Variants in GAL3ST3 observed in about 807,000 individuals in gnomAD.
GAL3ST3 encodes beta-galactose-3-O-sulfotransferase 3.
GAL3ST3 carries 21 observed loss-of-function variants against 20.8 expected under a neutral mutation model. That is an observed-to-expected ratio of 1.01 (90% CI 0.72 to 1.45). The LOEUF (loss-of-function observed/expected upper bound fraction) is 1.45. GAL3ST3 is among the 40% of genes most tolerant of loss of function. The pLI is 0.00. For missense variants in GAL3ST3, 739 were observed against 662.7 expected, an observed-to-expected ratio of 1.12 and a Z score of -1.26; for synonymous variants, 355 against 307.2, an observed-to-expected ratio of 1.16 and a Z score of -1.63.
Position 66,043,482 on chromosome 11 carries a change from G to C in GAL3ST3, c.321C>G (p.Tyr107Ter). 6.2e-7 allele frequency: 1 copy of C among 1,610,390 alleles called. No homozygotes were observed. Among genetic ancestry groups the C allele is most frequent in the Non-Finnish European group, 8.5e-7 (1 of 1,179,142 alleles). ...CGAAGTGCGCCGAGAAGTTGCGGGG[G>C]TAGCAGAACTGGTGCTCGCAGCTCG... ...PHPSCEHQFCYPRNFSAHFVH... is the reference protein window; with the variant it reads ...PHPSCEHQFC Residue 107 changes from tyrosine to a stop codon, truncating the protein, a stop_gained, in exon 3 of 3, where the codon TAC becomes TAG. Coordinates refer to ENST00000312006, the MANE Select transcript of GAL3ST3 (RefSeq NM_033036.3). LOFTEE classifies it high-confidence loss of function.
rs763577280 is a variant in GAL3ST3, at chr11:66,043,298, A to T, written c.505T>A (p.Cys169Ser). The T allele has an allele frequency of 4.3e-6, 7 of 1,612,302 alleles. No individual in the cohort carries two copies. Among genetic ancestry groups the T allele is most frequent in the African/African-American group, 1.3e-5 (1 of 75,020 alleles). Residue 169 changes from cysteine (C) to serine (S), a missense_variant, in exon 3 of 3, where the codon TGC (cysteine) becomes AGC (serine). Coordinates refer to ENST00000312006, the MANE Select transcript of GAL3ST3 (RefSeq NM_033036.3). ...TTGGGTACGCGCCGGAAGGCCGGGC[A>T]GTACTGGTTGTAGTAGCTGAAGAGC... ...ESLFSYYNQY[C>S]PAFRRVPNAS... is the part of the protein sequence containing the mutation.
chr11:66,042,909 G>T lies in GAL3ST3; in HGVS notation c.894C>A (p.Tyr298Ter). 1 of 1,219,696 alleles carries T rather than the reference G, an allele frequency of 8.2e-7. No homozygotes were observed. Among genetic ancestry groups the T allele is most frequent in the Non-Finnish European group, 1.0e-6 (1 of 969,508 alleles). The allele number at this position is 1,219,696 out of a possible 1,614,324, so 75.6% of individuals were successfully genotyped here. A position where few individuals can be genotyped will look rare whatever the true frequency, so the allele number is the denominator to read the frequency against. ...RTWNALDAGL[Y>*]DHFNATFWRH... ...GCCAGAAGGTGGCGTTGAAGTGGTC[G>T]TAGAGGCCGGCGTCCAGGGCGTTCC... is the stretch of plus-strand genomic sequence containing the variant. The change falls in exon 3 of 3, where the codon TAC (tyrosine) becomes TAA (stop). Residue 298 changes from tyrosine to a stop codon, truncating the protein, a stop_gained. Transcript: ENST00000312006. LOFTEE classifies it low-confidence loss of function (END_TRUNC).
At chr11:66,044,259 C>G (rs1158611112) in intron 2 of GAL3ST3, among the ~76,000 whole-genome samples, 1 of 152,164 alleles carries the variant, frequency 6.6e-6, no homozygotes, top group African/African-American at 2.4e-5. Context: ...AGACCTTGGT[C>G]CAGAAGTTCC....
At chr11:66,045,853 G>A (rs1157209091) in intron 1 of GAL3ST3, among the ~76,000 whole-genome samples, 2 of 152,118 alleles carry the variant, frequency 1.3e-5, no homozygotes, top group East Asian at 1.9e-4. Flanking sequence ...TGGCTTTAGC[G>A]CCAGGGCTTG....
rs777654473 is a variant in GAL3ST3 at position 66,043,446 on chromosome 11, G to C, written c.357C>G (p.Ala119=). ...TGGCCAGCACGTGCGGCGGCCGCGT[G>C]GCCGGGTGCACGAAGTGCGCCGAGA... ...RNFSAHFVHP[A]TRPPHVLASH... is the part of the protein sequence containing the mutation. Residue 119 remains alanine, a synonymous_variant, in exon 3 of 3, where the codon GCC becomes GCG. Transcript: ENST00000312006. 5 of 1,609,492 alleles carry C rather than the reference G, an allele frequency of 3.1e-6. No individual in the cohort carries two copies. In the South Asian group the frequency reaches 5.5e-5, roughly 18 times the overall value.
chr11:66,047,933 G>A (rs570510097), intron 1 of GAL3ST3, among the ~76,000 whole-genome samples: 54 of 152,292 alleles, frequency 3.5e-4, no homozygotes, highest in African/African-American at 1.2e-3. Flanking sequence ...GGTGCTGCTC[G>A]GACACTGTGG....
Position 66,043,479 on chromosome 11 carries a change from G to C in GAL3ST3, c.324C>G (p.Pro108=). The change falls in exon 3 of 3, where the codon CCC becomes CCG. Residue 108 remains proline, a synonymous_variant. Transcript: ENST00000312006. ...GCACGAAGTGCGCCGAGAAGTTGCG[G>C]GGGTAGCAGAACTGGTGCTCGCAGC... is the stretch of plus-strand genomic sequence containing the variant. ...HPSCEHQFCY[P]RNFSAHFVHP... is the part of the protein sequence containing the mutation. 1.2e-6 allele frequency: 2 copies of C among 1,610,410 alleles called. No homozygotes were observed. The highest frequency in any genetic ancestry group is 1.7e-6 in the Non-Finnish European group (2 of 1,179,118).
At chr11:66,048,308 A>G in intron 1 of GAL3ST3, among the ~76,000 whole-genome samples, 1 of 152,176 alleles carries the variant, frequency 6.6e-6, no homozygotes, top group East Asian at 1.9e-4. Context: ...CAGGGAACCA[A>G]AGAAATAGTA....
chr11:66,043,033 C>T lies in GAL3ST3; in HGVS notation c.770G>A (p.Trp257Ter), dbSNP rs866378017. Residue 257 changes from tryptophan (W) to a stop codon, truncating the protein, a stop_gained, in exon 3 of 3, where the codon TGG becomes TAG. Transcript: ENST00000312006. LOFTEE classifies it low-confidence loss of function (END_TRUNC). ...GGCGTAGAGCACGTCGTCCAGGTCC[C>T]AGGCCAGTAGGCGCCGCAGCAGCAC... Reference protein sequence around the residue: ...SLVLLRRLLAWDLDDVLYAKL... With the variant: ...SLVLLRRLLA 1 of 1,610,430 alleles carries T rather than the reference C, an allele frequency of 6.2e-7. No individual in the cohort carries two copies.
Position 66,043,569 on chromosome 11 carries a change from C to G in GAL3ST3, c.234G>C (p.Thr78=), listed in dbSNP as rs139401108. 6.0e-4 allele frequency: 964 copies of G among 1,612,330 alleles called. 5 individuals carry two copies. In the African/African-American group the frequency reaches 0.012, roughly 20 times the overall value. Residue 78 remains threonine (T), a synonymous_variant, in exon 3 of 3, where the codon ACG becomes ACC. Transcript: ENST00000312006. ...CAAAGCGAAACAGGATGTTCTGCACCGTCGTGCCTGCCGTCTTGTGAGTCT... is the reference window on the plus strand; with the variant it reads ...CAAAGCGAAACAGGATGTTCTGCACGGTCGTGCCTGCCGTCTTGTGAGTCT... ...FLKTHKTAGT[T]VQNILFRFAE... is the part of the protein sequence containing the mutation.
rs769401883 is a variant in GAL3ST3, at chr11:66,042,965, G to T, written c.838C>A (p.Pro280Thr). ...RAASSRLAAIPAALARAARTW... is the reference protein window; with the variant it reads ...RAASSRLAAITAALARAARTW... ...CGCGCCGCCCGCGCCAGCGCCGCGG[G>T]GATGGCGGCCAGGCGCGAGCTGGCG... The change falls in exon 3 of 3, where the codon CCC becomes ACC. Residue 280 changes from proline (P) to threonine (T), a missense_variant. Coordinates refer to ENST00000312006, the MANE Select transcript of GAL3ST3 (RefSeq NM_033036.3). The T allele has an allele frequency of 3.3e-6, 5 of 1,501,432 alleles. No individual in the cohort carries two copies. The East Asian group carries it at 1.3e-4, about 39-fold the overall frequency. The allele number at this position is 1,501,432 out of a possible 1,614,324, so 93.0% of individuals were successfully genotyped here. A position where few individuals can be genotyped will look rare whatever the true frequency, so the allele number is the denominator to read the frequency against.
In GAL3ST3 at chr11:66,045,428, AC is replaced by A; in HGVS notation, c.-14del. 6.3e-7 allele frequency: 1 copy of A among 1,579,792 alleles called. No homozygotes were observed. Among genetic ancestry groups the A allele is most frequent in the East Asian group, 2.3e-5 (1 of 43,406 alleles). On this transcript the variant is annotated 5_prime_UTR_variant, in exon 2 of 3. Coordinates refer to ENST00000312006, the MANE Select transcript of GAL3ST3 (RefSeq NM_033036.3). ...GGATGGGTGGCATGGCGGAGTACCC[AC>A]CCCTGGACCAGCCAGGGCCTCACTA... is the stretch of plus-strand genomic sequence containing the variant.
chr11:66,043,840 A>ATGATCCTCTAAGATGCCCTC (rs1236986333), intron 2 of GAL3ST3, among the ~76,000 whole-genome samples, 163 bp from the exon 3 acceptor site: 35 of 152,172 alleles, frequency 2.3e-4, no homozygotes, highest in Admixed American at 5.9e-4. Flanking sequence ...GATGCCCTCT[A>ATGATCCTCTAAGATGCCCTC]TGATCCCTGC....
chr11:66,048,892 C>G (rs1373904293), intron 1 of GAL3ST3, 119 bp downstream of exon 1: 2 of 152,482 alleles, frequency 1.3e-5, no homozygotes, highest in Admixed American at 6.5e-5. Flanking sequence ...GAGCGCCCCC[C>G]TCCTCATGCT....
intron 2 of GAL3ST3, among the ~76,000 whole-genome samples, chr11:66,044,696 G>A (rs1856761376): frequency 6.6e-6 from 1 of 152,200 alleles, no homozygotes; most frequent in Non-Finnish European, 1.5e-5. Flanking sequence ...CCTAGCCCTC[G>A]TGAAGCTTTC....
chr11:66,044,874 C>T (rs1186887934), intron 2 of GAL3ST3: 2 of 153,710 alleles, frequency 1.3e-5, no homozygotes, highest in African/African-American at 4.8e-5. Flanking sequence ...CACAGTGAGT[C>T]AGGAGTAGGG....
In GAL3ST3 at chr11:66,042,602, G is replaced by A. The variant is rs1224021702; in HGVS notation, c.1201C>T (p.Arg401Cys). Residue 401 changes from arginine (R) to cysteine (C), a missense_variant, in exon 3 of 3, where the codon CGC becomes TGC. By Grantham distance (180) the Arg-to-Cys change is radical. Transcript: ENST00000312006. ...YSNYLLRKQK[R>C]RGGARARPEP... ...GGCCGAGCCCGCGCACCGCCCCGGC[G>A]CTTCTGCTTGCGCAACAGGTAGTTC... is the stretch of plus-strand genomic sequence containing the variant. 1 of 1,536,846 alleles carries A rather than the reference G, an allele frequency of 6.5e-7. No individual in the cohort carries two copies. Among genetic ancestry groups the A allele is most frequent in the Admixed American group, 2.0e-5 (1 of 51,002 alleles).
chr11:66,045,030 AGTT>A (rs1334131202), intron 2 of GAL3ST3: 7 of 244,238 alleles, frequency 2.9e-5, no homozygotes, highest in South Asian at 1.0e-4. Context: ...AGTTGTGAGA[AGTT>A]GTTTCCACTG....
Position 66,042,614 on chromosome 11 carries a change from G to A in GAL3ST3, c.1189C>T (p.Arg397Cys), listed in dbSNP as rs1265838383. The change falls in exon 3 of 3, where the codon CGC becomes TGC. Residue 397 changes from arginine (R) to cysteine (C), a missense_variant. Transcript: ENST00000312006. ...GCACCGCCCCGGCGCTTCTGCTTGC[G>A]CAACAGGTAGTTCGAGTACTGGACC... ...PEVQYSNYLL[R>C]KQKRRGGARA... 1.3e-6 allele frequency: 2 copies of A among 1,537,384 alleles called. No homozygotes were observed. The highest frequency in any genetic ancestry group is 2.4e-5 in the East Asian group (1 of 41,476).
Sources: allele counts gnomAD v4.1 joint callset (sites outside exome capture counted in the v4.1 genomes callset), GRCh38; gene constraint gnomAD v4.1.1; transcripts MANE v1.5; gene names NCBI Gene and HGNC (gene_info 2026-07-23, HGNC 2026-07-21).